The following KCNQ5 variants were observed in gnomAD, a reference collection of about 807,000 sequenced individuals.
The protein encoded by KCNQ5 is potassium voltage-gated channel subfamily Q member 5.
In KCNQ5, 30 loss-of-function variants were observed where a neutral mutation model predicts 98.2. The ratio of observed to expected loss-of-function variants is 0.31; its 90% CI spans 0.23 to 0.41. The LOEUF is 0.41. Among genes scored for constraint, KCNQ5 ranks in the 10% least tolerant of loss-of-function variants. The pLI, the probability that KCNQ5 is intolerant of heterozygous loss-of-function variation, is 1.00. For synonymous variants in KCNQ5, 458 were observed against 449.4 expected (o/e 1.02, Z -0.24); for missense variants, 835 against 1,182.5 (o/e 0.71, Z 4.31).
intron 3 of KCNQ5, among the ~76,000 whole-genome samples, chr6:73,074,299 A>C (rs1395925919): frequency 2.6e-5 from 4 of 152,220 alleles, no homozygotes; most frequent in Non-Finnish European, 5.9e-5. Context: ...TCTAGGTGGT[A>C]CTGACAGCAA....
At chr6:72,866,252 C>CATT (rs1777976790) in intron 1 of KCNQ5, among the ~76,000 whole-genome samples, 1 of 113,768 alleles carries the variant, frequency 8.8e-6, no homozygotes, top group African/African-American at 3.6e-5. Context: ...CGCCATCTCC[C>CATT]TTTTTTTTTT....
At chr6:73,095,643 C>T (rs1774451546) in intron 5 of KCNQ5, among the ~76,000 whole-genome samples, 2 of 152,088 alleles carry the variant, frequency 1.3e-5, no homozygotes, top group South Asian at 4.1e-4. Flanking sequence ...TCCCCCTGTT[C>T]CTATGGATGT....
Position 73,169,750 on chromosome 6 carries a change from C to T in KCNQ5, c.1473C>T (p.Asp491=). 3 of 1,610,378 alleles carry T rather than the reference C, an allele frequency of 1.9e-6. No homozygotes were observed. In the South Asian group the frequency reaches 3.3e-5, roughly 18 times the overall value. Residue 491 remains aspartate, a synonymous_variant, in exon 11 of 14, where the codon GAC becomes GAT. Transcript: ENST00000370398. ...SSQPKPVIDA[D]TALGTDDVYD... is the part of the protein sequence containing the mutation. ...ACTGGCAATATTCTCTTGCAGCTGACACAGCCCTTGGCACTGATGATGTAT... is the reference window on the plus strand; with the variant it reads ...ACTGGCAATATTCTCTTGCAGCTGATACAGCCCTTGGCACTGATGATGTAT...
chr6:73,112,688 G>A (rs1307687700), intron 7 of KCNQ5, among the ~76,000 whole-genome samples: 1 of 152,092 alleles, frequency 6.6e-6, no homozygotes, highest in East Asian at 1.9e-4. Context: ...TGGGTGGGTG[G>A]GTTGGTGGGA....
chr6:73,065,047 A>G (rs76048623), intron 3 of KCNQ5, among the ~76,000 whole-genome samples: 1 of 16,592 alleles, frequency 6.0e-5, no homozygotes, highest in African/African-American at 1.2e-4. Flanking sequence ...GTCCTGTAGC[A>G]TGAGAAAAAA....
intron 5 of KCNQ5, among the ~76,000 whole-genome samples, chr6:73,102,519 T>G (rs1411109914): frequency 6.6e-6 from 1 of 152,070 alleles, no homozygotes; most frequent in Non-Finnish European, 1.5e-5. Flanking sequence ...CCAGAATATA[T>G]AAGGAGCTCT....
At chr6:72,703,210 A>G (rs1388453346) in intron 1 of KCNQ5, among the ~76,000 whole-genome samples, 2 of 152,112 alleles carry the variant, frequency 1.3e-5, no homozygotes, top group Non-Finnish European at 1.5e-5. Context: ...CACTCCAGCA[A>G]CTCTGAACTT....
At chr6:72,913,321 A>C (rs1023401672) in intron 1 of KCNQ5, among the ~76,000 whole-genome samples, 3 of 152,098 alleles carry the variant, frequency 2.0e-5, no homozygotes, top group Non-Finnish European at 4.4e-5. Flanking sequence ...CCTAAAATAC[A>C]TCTTCAAGGC....
intron 11 of KCNQ5, among the ~76,000 whole-genome samples, chr6:73,176,427 A>G (rs1311971957): frequency 2.0e-5 from 3 of 152,188 alleles, no homozygotes; most frequent in East Asian, 1.9e-4. Context: ...TGCTTCCTGC[A>G]CAGCCTGCAG....
intron 1 of KCNQ5, among the ~76,000 whole-genome samples, chr6:72,922,819 T>C (rs1323237784): frequency 6.5e-4 from 93 of 142,130 alleles, no homozygotes; most frequent in African/African-American, 2.3e-3. Context: ...TCTTTTTTTT[T>C]TTTTTTTTTT....
chr6:73,133,556 G>A lies in KCNQ5; in HGVS notation c.1383G>A (p.Val461=), dbSNP rs761386017. 17 of 1,614,100 alleles carry A rather than the reference G, an allele frequency of 1.1e-5. No individual in the cohort carries two copies. Among genetic ancestry groups the A allele is most frequent in the African/African-American group, 1.3e-5 (1 of 74,928 alleles). The change falls in exon 10 of 14, where the codon GTG becomes GTA. Residue 461 remains valine, a synonymous_variant. Transcript: ENST00000370398. Reference sequence around the variant, plus strand: ...CAGCCGAGGGCAGTCCCACCAAAGTGCAGAAGAGCTGGAGCTTCAACGACC... The same window carrying A: ...CAGCCGAGGGCAGTCCCACCAAAGTACAGAAGAGCTGGAGCTTCAACGACC... ...DITAEGSPTK[V]QKSWSFNDRT... is the part of the protein sequence containing the mutation.
At position 72,645,499 on chromosome 6, in the gene KCNQ5, A is replaced by C. The variant is rs78077081; in HGVS notation, c.398+22912A>C. 9.8e-3 allele frequency among the ~76,000 whole-genome samples: 1,491 copies of C among 152,242 alleles called. 25 individuals are homozygous for C. The highest frequency in any genetic ancestry group is 0.034 in the African/African-American group (1,432 of 41,540). ...CCAGAATGGAAGTTTAATAAGTAGG[A>C]AATGAATAATATTAATAATATAACA... is the stretch of plus-strand genomic sequence containing the variant. On this transcript the variant is annotated intron_variant, in intron 1 of 13. Coordinates refer to ENST00000370398, the MANE Select transcript of KCNQ5 (RefSeq NM_019842.4).
At chr6:73,100,906 A>T (rs895706881) in intron 5 of KCNQ5, among the ~76,000 whole-genome samples, 7 of 152,098 alleles carry the variant, frequency 4.6e-5, no homozygotes, top group African/African-American at 1.7e-4. Flanking sequence ...ATAAATTCCT[A>T]TATACATACA....
chr6:72,787,540 A>T (rs990024501), intron 1 of KCNQ5, among the ~76,000 whole-genome samples: 9 of 107,874 alleles, frequency 8.3e-5, no homozygotes, highest in African/African-American at 3.9e-4. Flanking sequence ...ATCAGTATTT[A>T]AAAAAAAAAA....
chr6:72,853,255 A>G (rs1350356469), intron 1 of KCNQ5, among the ~76,000 whole-genome samples: 1 of 152,200 alleles, frequency 6.6e-6, no homozygotes, highest in Non-Finnish European at 1.5e-5. Flanking sequence ...AAATTCTGTA[A>G]AAAGTGCTTT....
intron 9 of KCNQ5, chr6:73,129,785 A>G: frequency 1.2e-6 from 2 of 1,610,744 alleles, no homozygotes; most frequent in Non-Finnish European, 1.7e-6. Flanking sequence ...TATTTCCCTC[A>G]CTCCTAGTAA....
chr6:72,739,696 C>T (rs899150695), intron 1 of KCNQ5, among the ~76,000 whole-genome samples: 3 of 152,204 alleles, frequency 2.0e-5, no homozygotes, highest in Middle Eastern at 3.2e-3. Flanking sequence ...GACCTACAGA[C>T]GGTCTGTTCA....
chr6:72,916,434 T>C (rs1780139882), intron 1 of KCNQ5, among the ~76,000 whole-genome samples: 1 of 152,030 alleles, frequency 6.6e-6, no homozygotes, highest in South Asian at 2.1e-4. Flanking sequence ...CGGAGGGGAA[T>C]AAAAAATAGG....
At chr6:73,034,300 G>A (rs1302402386) in intron 2 of KCNQ5, among the ~76,000 whole-genome samples, 2 of 152,100 alleles carry the variant, frequency 1.3e-5, no homozygotes, top group Non-Finnish European at 2.9e-5. Flanking sequence ...CACACAAAAA[G>A]GAACAAAAAC....
Sources: allele counts gnomAD v4.1 joint callset (sites outside exome capture counted in the v4.1 genomes callset), GRCh38; gene constraint gnomAD v4.1.1; transcripts MANE v1.5; gene names NCBI Gene and HGNC (gene_info 2026-07-23, HGNC 2026-07-21).